The following TOR2A variants were observed in gnomAD, a reference collection of about 807,000 sequenced individuals.
TOR2A encodes torsin family 2 member A, also known as prosalusin.
Under a neutral mutation model 28.6 loss-of-function variants are expected in TOR2A, and 24 were observed. That is an observed-to-expected ratio of 0.84 (90% CI 0.61 to 1.18). TOR2A has a LOEUF of 1.18. Ranked by LOEUF, TOR2A falls within the 50% of genes most tolerant of loss-of-function variation. The pLI is 0.00. For synonymous variants in TOR2A, 203 were observed against 203.1 expected (o/e 1.00, Z 0.00); for missense variants, 426 against 448.1 (o/e 0.95, Z 0.45).
At chr9:127,732,302 G>A in intron 4 of TOR2A, 24 bp from the exon 5 acceptor site, 1 of 1,548,196 alleles carries the variant, frequency 6.5e-7, no homozygotes, top group Non-Finnish European at 8.7e-7. Context: ...AGGTGGGGAG[G>A]GGACTTTGTG....
At chr9:127,734,212 A>G in intron 2 of TOR2A, 87 bp downstream of exon 2, 1 of 1,470,298 alleles carries the variant, frequency 6.8e-7, no homozygotes, top group South Asian at 1.4e-5. Context: ...GGCCTGGAGC[A>G]GGTGACTCCC....
chr9:127,732,749 T>C, intron 3 of TOR2A, 58 bp from the exon 4 acceptor site: 1 of 1,529,630 alleles, frequency 6.5e-7, no homozygotes, highest in South Asian at 1.2e-5. Flanking sequence ...AGGGCAGGAT[T>C]GGACCCTCGC....
intron 3 of TOR2A, chr9:127,733,147 G>C: frequency 6.5e-7 from 1 of 1,540,330 alleles, no homozygotes; most frequent in Non-Finnish European, 8.7e-7. Flanking sequence ...TGACCTGGCA[G>C]GGCTTCCACA....
At chr9:127,732,777 A>T in intron 3 of TOR2A, 86 bp from the exon 4 acceptor site, 1 of 1,503,890 alleles carries the variant, frequency 6.6e-7, no homozygotes, top group Non-Finnish European at 8.9e-7. Flanking sequence ...CTGCCACCTG[A>T]CATAGGAACA....
At position 127,732,194 on chromosome 9, in the gene TOR2A, C is replaced by T; in HGVS notation, c.806G>A (p.Arg269Gln). 8 of 1,612,788 alleles carry T rather than the reference C, an allele frequency of 5.0e-6. No individual in the cohort carries two copies. Among genetic ancestry groups the T allele is most frequent in the South Asian group, 1.1e-5 (1 of 91,054 alleles). Residue 269 changes from arginine to glutamine, a missense_variant, in exon 5 of 5, where the codon CGG becomes CAG. Coordinates refer to ENST00000373284, the MANE Select transcript of TOR2A (RefSeq NM_001085347.3). ...GGCCAGCTCGTTGAGCACGCAGTGCCGGACGTGGTGCCGCTGGAGCGGGAG... is the reference window on the plus strand; with the variant it reads ...GGCCAGCTCGTTGAGCACGCAGTGCTGGACGTGGTGCCGCTGGAGCGGGAG... Reference protein sequence around the residue: ...PFLPLQRHHVRHCVLNELAQL... With the variant: ...PFLPLQRHHVQHCVLNELAQL...
Position 127,732,253 on chromosome 9 carries a change from C to T in TOR2A, c.747G>A (p.Met249Ile). ...PHHGFSNSGI[M>I]EERLLDAVVP... Reference sequence around the variant, plus strand: ...CCACTGCGTCTAGGAGGCGCTCTTCCATGATGCCCGAGTTTGAGAAGCCAT... The same window carrying T: ...CCACTGCGTCTAGGAGGCGCTCTTCTATGATGCCCGAGTTTGAGAAGCCAT... Residue 249 changes from methionine (M) to isoleucine (I), a missense_variant, in exon 5 of 5, where the codon ATG becomes ATA. Transcript: ENST00000373284. The T allele has an allele frequency of 6.3e-7, 1 of 1,588,016 alleles. No homozygotes were observed.
rs1359575079 is a variant in TOR2A, at chr9:127,732,009, G to A, written c.*25C>T. The A allele has an allele frequency of 1.2e-6, 2 of 1,601,342 alleles. No individual in the cohort carries two copies. The highest frequency in any genetic ancestry group is 2.7e-5 in the African/African-American group (2 of 74,662). ...TTTCCTGCATGGCCTGGCCATCAGG[G>A]GGGCCGAGGACACCACTCAGAGAGT... On this transcript the variant is annotated 3_prime_UTR_variant, in exon 5 of 5. Transcript: ENST00000373284.
In TOR2A at chr9:127,734,467, G is replaced by C; in HGVS notation, c.249C>G (p.Pro83=). ...ALKAFVRDPA[P]TKPLVLSLHG... is the part of the protein sequence containing the mutation. ...GCAGGGAGAGGACCAGCGGCTTGGT[G>C]GGGGCTGGGTCCCGCACAAAGGCCT... The change falls in exon 2 of 5, where the codon CCC becomes CCG. Residue 83 remains proline, a synonymous_variant. Transcript: ENST00000373284. The C allele has an allele frequency of 6.2e-7, 1 of 1,607,336 alleles. No homozygotes were observed. Among genetic ancestry groups the C allele is most frequent in the South Asian group, 1.1e-5 (1 of 90,476 alleles).
chr9:127,732,653 T>C lies in TOR2A; in HGVS notation c.632A>G (p.Glu211Gly). 1 of 1,570,606 alleles carries C rather than the reference T, an allele frequency of 6.4e-7. No individual in the cohort carries two copies. The highest frequency in any genetic ancestry group is 8.6e-7 in the Non-Finnish European group (1 of 1,158,538). The change falls in exon 4 of 5, where the codon GAG (glutamate) becomes GGG (glycine). Residue 211 changes from glutamate (E) to glycine (G), a missense_variant. Physicochemically the swap from Glu to Gly is moderately conservative, Grantham distance 98 (BLOSUM62 -2). Coordinates refer to ENST00000373284, the MANE Select transcript of TOR2A (RefSeq NM_001085347.3). ...GCGGTCCCGCCGGCTGCGCCACGCC[T>C]CCAATGCCACCTGGTTGATCTGCTT... ...GGKQINQVALEAWRSRRDREE... is the reference protein window; with the variant it reads ...GGKQINQVALGAWRSRRDREE...
At position 127,732,232 on chromosome 9, in the gene TOR2A, T is replaced by C. The variant is rs778539962; in HGVS notation, c.768A>G (p.Ala256=). 1.2e-6 allele frequency: 2 copies of C among 1,606,990 alleles called. No homozygotes were observed. Among genetic ancestry groups the C allele is most frequent in the South Asian group, 1.1e-5 (1 of 90,820 alleles). Residue 256 remains alanine (A), a synonymous_variant, in exon 5 of 5, where the codon GCA becomes GCG. Coordinates refer to ENST00000373284, the MANE Select transcript of TOR2A (RefSeq NM_001085347.3). ...SGIMEERLLD[A]VVPFLPLQRH... is the part of the protein sequence containing the mutation. ...GCTGGAGCGGGAGGAAGGGCACCAC[T>C]GCGTCTAGGAGGCGCTCTTCCATGA...
chr9:127,732,758 G>A (rs1389821013), intron 3 of TOR2A, 67 bp from the exon 4 acceptor site: 23 of 1,517,538 alleles, frequency 1.5e-5, no homozygotes, highest in Non-Finnish European at 2.0e-5. Flanking sequence ...TTGGACCCTC[G>A]CTTCCCCGCT....
rs1188516296 is a variant in TOR2A, at chr9:127,732,708, C to G, written c.594-17G>C. The G allele has an allele frequency of 6.4e-7, 1 of 1,556,590 alleles. No individual in the cohort carries two copies. ...CCCGTGTTGCTAAAACCATGGGGGA[C>G]CCAGGCTGAGACTCAGATGAGGACT... On this transcript the variant is annotated splice_polypyrimidine_tract_variant and intron_variant, in intron 3 of 4. Transcript: ENST00000373284.
At position 127,734,584 on chromosome 9, in the gene TOR2A, G is replaced by A; in HGVS notation, c.152-20C>T. On this transcript the variant is annotated intron_variant, in intron 1 of 4. Transcript: ENST00000373284. ...CCAGACCTAGGGCCACAGGAGGATG[G>A]TGAGGACACATCCCACCGAGGCAGA... 1.3e-6 allele frequency: 2 copies of A among 1,487,230 alleles called. No individual in the cohort carries two copies. The highest frequency in any genetic ancestry group is 1.8e-6 in the Non-Finnish European group (2 of 1,120,414). 92.1% of individuals were successfully genotyped at this position (1,487,230 alleles called of 1,614,324 possible). A position where few individuals can be genotyped will look rare whatever the true frequency, so the allele number is the denominator to read the frequency against.
intron 1 of TOR2A, chr9:127,734,823 A>G (rs1844618905): frequency 3.9e-6 from 2 of 519,180 alleles, no homozygotes; most frequent in East Asian, 7.0e-5. Flanking sequence ...TCAGCCGCAG[A>G]CCCCGCCCAT....
At chr9:127,734,824 C>G (rs1477770490) in intron 1 of TOR2A, 1 of 517,878 alleles carries the variant, frequency 1.9e-6, no homozygotes, top group African/African-American at 2.0e-5. Flanking sequence ...CAGCCGCAGA[C>G]CCCGCCCATC....
At chr9:127,734,873 A>C in intron 1 of TOR2A, 1 of 581,608 alleles carries the variant, frequency 1.7e-6, no homozygotes, top group Non-Finnish European at 2.7e-6. Flanking sequence ...CGGCCAGGCC[A>C]TTCCGGGGAG....
chr9:127,732,807 G>C (rs557412906), intron 3 of TOR2A, 116 bp from the exon 4 acceptor site: 306 of 1,456,126 alleles, frequency 2.1e-4, no homozygotes, highest in Non-Finnish European at 2.6e-4. Context: ...GCGGGGAGGA[G>C]CCAACTCCAC....
chr9:127,733,714 C>T, intron 2 of TOR2A, 154 bp from the exon 3 acceptor site: 1 of 712,046 alleles, frequency 1.4e-6, no homozygotes, highest in Middle Eastern at 4.1e-4. Flanking sequence ...AACTGTATCC[C>T]AGATTGGGGC....
At chr9:127,734,608 G>A (rs746394684) in intron 1 of TOR2A, 44 bp from the exon 2 acceptor site, 2 of 1,448,706 alleles carry the variant, frequency 1.4e-6, no homozygotes, top group Admixed American at 5.4e-5. Context: ...CACCGAGGCA[G>A]AGGTTCAAGG....
Sources: gnomAD v4.1 joint callset for allele counts on GRCh38, gnomAD v4.1.1 for gene constraint, MANE v1.5 for transcripts, NCBI Gene and HGNC (gene_info 2026-07-23, HGNC 2026-07-21) for gene names.